Variants in MEGF11 observed in about 807,000 individuals in gnomAD.
The protein encoded by MEGF11 is multiple epidermal growth factor-like domains protein 11.
A neutral mutation model predicts 146.6 loss-of-function variants in MEGF11; 126 were observed. The observed-to-expected ratio is 0.86, with a 90% CI of 0.74 to 1.00. MEGF11 has a LOEUF of 1.00. Ranked by LOEUF, MEGF11 falls within the 50% of genes least tolerant of loss-of-function variation. The pLI is 0.00. For missense variants in MEGF11, 1,509 were observed against 1,521.2 expected, an observed-to-expected ratio of 0.99 and a Z score of 0.13; for synonymous variants, 532 against 583.4, an observed-to-expected ratio of 0.91 and a Z score of 1.27.
intron 5 of MEGF11, among the ~76,000 whole-genome samples, chr15:66,032,282 A>T (rs747220276): frequency 3.2e-4 from 49 of 152,248 alleles, no homozygotes; most frequent in Admixed American, 5.2e-4. Context: ...TGTGGTATTC[A>T]GTTATAGCAA....
At chr15:66,138,526 G>A (rs898022740) in intron 1 of MEGF11, among the ~76,000 whole-genome samples, 11 of 152,166 alleles carry the variant, frequency 7.2e-5, no homozygotes, top group South Asian at 4.1e-4. Context: ...CCATGACACT[G>A]ATAACTTCTG....
At chr15:66,225,016 A>G (rs1379769910) in intron 1 of MEGF11, among the ~76,000 whole-genome samples, 4 of 152,158 alleles carry the variant, frequency 2.6e-5, no homozygotes, top group Non-Finnish European at 5.9e-5. Context: ...GAATACAGGC[A>G]CAGGAAAGAA....
intron 16 of MEGF11, among the ~76,000 whole-genome samples, chr15:65,917,547 C>T (rs2079040960): frequency 6.6e-6 from 1 of 152,144 alleles, no homozygotes; most frequent in Admixed American, 6.5e-5. Context: ...ACATGAACAG[C>T]CTCAAGGACA....
intron 5 of MEGF11, among the ~76,000 whole-genome samples, chr15:66,072,601 T>C (rs2085414459): frequency 6.6e-6 from 1 of 152,252 alleles, no homozygotes; most frequent in African/African-American, 2.4e-5. Context: ...AAGTGACATG[T>C]ATTCCTGAGT....
In MEGF11 at chr15:65,922,923, G is replaced by A. The variant is rs1337657223; in HGVS notation, c.1722C>T (p.Asn574=). The change falls in exon 14 of 26, where the codon AAC becomes AAT. Residue 574 remains asparagine (N), a synonymous_variant. Coordinates refer to ENST00000395614, the MANE Select transcript of MEGF11 (RefSeq NM_001385028.1). The part of the protein sequence containing the change: ...STCPPGRWGP[N]CSVSCSCENG... ...TCTCACAGCTGCAGGAGACAGAGCA[G>A]TTGGGGCCCCAGCGGCCAGGTGGAC... 7.4e-6 allele frequency: 12 copies of A among 1,613,246 alleles called. No individual in the cohort carries two copies. The highest frequency in any genetic ancestry group is 2.5e-6 in the Non-Finnish European group (3 of 1,179,740).
intron 4 of MEGF11, among the ~76,000 whole-genome samples, chr15:66,118,024 C>T (rs2087818350): frequency 6.6e-6 from 1 of 152,186 alleles, no homozygotes; most frequent in Admixed American, 6.5e-5. Context: ...CAAATTTTCC[C>T]TCTGGTGCGA....
At chr15:65,913,654 C>T in intron 20 of MEGF11, 83 bp downstream of exon 20, 2 of 1,262,320 alleles carry the variant, frequency 1.6e-6, no homozygotes, top group Non-Finnish European at 1.1e-6. Context: ...TCAGCCACAG[C>T]AGCCAACCCT....
chr15:66,123,872 G>A, intron 3 of MEGF11, 27 bp downstream of exon 3: 1 of 1,585,710 alleles, frequency 6.3e-7, no homozygotes, highest in South Asian at 1.1e-5. Flanking sequence ...CCTTTTCCCT[G>A]CCCCATCATC....
At chr15:66,119,919 A>T (rs7172880) in intron 3 of MEGF11, among the ~76,000 whole-genome samples, 26,972 of 152,156 alleles carry the variant, frequency 0.18, 2,918 homozygotes, top group East Asian at 0.33. Flanking sequence ...TCAACATCTC[A>T]TTCCATTCCC....
intron 14 of MEGF11, 137 bp from the exon 15 acceptor site, chr15:65,922,609 C>A: frequency 7.4e-7 from 1 of 1,354,006 alleles, no homozygotes; most frequent in Admixed American, 2.8e-5. Flanking sequence ...TCCCTTTCTG[C>A]AGAGAAGAGC....
intron 5 of MEGF11, among the ~76,000 whole-genome samples, chr15:66,066,644 C>T (rs564846198): frequency 2.0e-5 from 3 of 152,200 alleles, no homozygotes; most frequent in Non-Finnish European, 2.9e-5. Context: ...CCAAGCTCCA[C>T]GGCTGCGAGT....
At chr15:66,134,961 G>C (rs1411045643) in intron 1 of MEGF11, among the ~76,000 whole-genome samples, 1 of 152,246 alleles carries the variant, frequency 6.6e-6, no homozygotes, top group Non-Finnish European at 1.5e-5. Context: ...GAAGGGAATG[G>C]TGGAGTCCAC....
intron 5 of MEGF11, among the ~76,000 whole-genome samples, chr15:66,031,945 G>A (rs773854073): frequency 2.6e-5 from 4 of 152,204 alleles, no homozygotes; most frequent in Non-Finnish European, 4.4e-5. Flanking sequence ...GCAGGTGAGC[G>A]AGCATTACTG....
At position 65,895,534 on chromosome 15, in the gene MEGF11, A is replaced by G. The variant is rs937663424; in HGVS notation, c.*2400T>C. ...CAAAGTCACCCATAAAATGCACAGT[A>G]TACATGTTTAGGCTGACCATGAACC... On this transcript the variant is annotated 3_prime_UTR_variant, in exon 26 of 26. Coordinates refer to ENST00000395614, the MANE Select transcript of MEGF11 (RefSeq NM_001385028.1). 1 of 152,672 alleles carries G rather than the reference A, an allele frequency of 6.5e-6. No individual in the cohort carries two copies. Among genetic ancestry groups the G allele is most frequent in the Non-Finnish European group, 1.5e-5 (1 of 68,048 alleles). 9.5% of individuals were successfully genotyped at this position (152,672 alleles called of 1,614,324 possible). A position where few individuals can be genotyped will look rare whatever the true frequency, so the allele number is the denominator to read the frequency against.
intron 1 of MEGF11, among the ~76,000 whole-genome samples, chr15:66,210,962 T>G (rs942827531): frequency 2.6e-5 from 4 of 151,900 alleles, no homozygotes; most frequent in African/African-American, 9.7e-5. Flanking sequence ...GAATTTAGAG[T>G]ACGGTGTCAG....
chr15:66,209,167 G>T (rs59707715), intron 1 of MEGF11, among the ~76,000 whole-genome samples: 36,074 of 151,866 alleles, frequency 0.24, 4,439 homozygotes, highest in South Asian at 0.32. Context: ...TGGCTAACAC[G>T]GTGAAACCCC....
chr15:66,125,468 C>T (rs1008566951), intron 2 of MEGF11, among the ~76,000 whole-genome samples: 1 of 152,138 alleles, frequency 6.6e-6, no homozygotes, highest in Admixed American at 6.5e-5. Context: ...AATCCAAACG[C>T]GGAGGCAGTA....
intron 15 of MEGF11, among the ~76,000 whole-genome samples, chr15:65,919,942 C>A (rs78565359): frequency 4.6e-5 from 6 of 130,460 alleles, no homozygotes; most frequent in African/African-American, 1.6e-4. Flanking sequence ...AAACAAAAAA[C>A]AACAAGCAAA....
At position 65,922,079 on chromosome 15, in the gene MEGF11, A is replaced by G. The variant is rs1596843110; in HGVS notation, c.1957+259T>C. 3 of 525,814 alleles carry G rather than the reference A, an allele frequency of 5.7e-6. No individual in the cohort carries two copies. In the East Asian group the frequency reaches 1.1e-4, roughly 19 times the overall value. The allele number at this position is 525,814 out of a possible 1,614,324, so 32.6% of individuals were successfully genotyped here. A position where few individuals can be genotyped will look rare whatever the true frequency, so the allele number is the denominator to read the frequency against. ...TTCATCCCTTCAGCATGCATGTCGGAATCAGAATTTGTTTCTGCCACTTGC... is the reference window on the plus strand; with the variant it reads ...TTCATCCCTTCAGCATGCATGTCGGGATCAGAATTTGTTTCTGCCACTTGC... On this transcript the variant is annotated intron_variant, in intron 15 of 25. Coordinates refer to ENST00000395614, the MANE Select transcript of MEGF11 (RefSeq NM_001385028.1).
Sources: gnomAD v4.1 joint callset for allele counts (sites outside exome capture counted in the v4.1 genomes callset) on GRCh38, gnomAD v4.1.1 for gene constraint, MANE v1.5 for transcripts, NCBI Gene and HGNC (gene_info 2026-07-23, HGNC 2026-07-21) for gene names.